The following C8orf34 variants were observed in gnomAD, a reference collection of about 807,000 sequenced individuals.
C8orf34 encodes the protein uncharacterized protein C8orf34.
Under a neutral mutation model 68.3 loss-of-function variants are expected in C8orf34, and 65 were observed. That is an observed-to-expected ratio of 0.95 (90% CI 0.78 to 1.17). The LOEUF (loss-of-function observed/expected upper bound fraction) is 1.17. Ranked by LOEUF, C8orf34 falls within the 50% of genes most tolerant of loss-of-function variation. The pLI is 0.00. For missense variants in C8orf34, 664 were observed against 655.4 expected (o/e 1.01, Z -0.14); for synonymous variants, 244 against 241.2 (o/e 1.01, Z -0.11).
At chr8:68,754,654 G>A (rs7838605) in intron 10 of C8orf34, among the ~76,000 whole-genome samples, 11,068 of 152,208 alleles carry the variant, frequency 0.073, 486 homozygotes, top group Middle Eastern at 0.11. Flanking sequence ...AATGACTTCT[G>A]GGATTTTTAA....
upstream of C8orf34, chr8:68,330,765 A>G (rs1215605737): frequency 1.3e-5 from 5 of 381,850 alleles, no homozygotes; most frequent in Non-Finnish European, 2.3e-5. Flanking sequence ...TCACCGGGGA[A>G]AGGAGGTACA....
chr8:68,465,815 G>A (rs1265593326), intron 3 of C8orf34, among the ~76,000 whole-genome samples: 4 of 151,872 alleles, frequency 2.6e-5, no homozygotes, highest in East Asian at 1.9e-4. Flanking sequence ...GTGGGGGCAG[G>A]GGGGAGGGAT....
chr8:68,509,498 T>C (rs1320058635), intron 5 of C8orf34, among the ~76,000 whole-genome samples: 1 of 151,758 alleles, frequency 6.6e-6, no homozygotes, highest in East Asian at 2.0e-4. Context: ...GCCAACCAAT[T>C]TAAGACTTGG....
chr8:68,688,414 A>G (rs78071299), intron 8 of C8orf34, among the ~76,000 whole-genome samples: 16,406 of 152,124 alleles, frequency 0.11, 1,628 homozygotes, highest in African/African-American at 0.27. Context: ...ACAGTATGGC[A>G]ATTCCTCAAG....
intron 7 of C8orf34, among the ~76,000 whole-genome samples, chr8:68,586,158 C>T (rs1817204628): frequency 6.6e-6 from 1 of 152,060 alleles, no homozygotes; most frequent in Admixed American, 6.6e-5. Flanking sequence ...GATTACACAC[C>T]TTTCTACATT....
At chr8:68,568,057 G>A (rs2130237641) in intron 7 of C8orf34, among the ~76,000 whole-genome samples, 1 of 152,112 alleles carries the variant, frequency 6.6e-6, no homozygotes, top group Non-Finnish European at 1.5e-5. Flanking sequence ...TAGGGGGATG[G>A]CTAGTTTGGG....
At chr8:68,702,514 T>C (rs1821048520) in intron 8 of C8orf34, among the ~76,000 whole-genome samples, 1 of 152,190 alleles carries the variant, frequency 6.6e-6, no homozygotes, top group Non-Finnish European at 1.5e-5. Flanking sequence ...TTGACAAATG[T>C]CTACTCTTTA....
At chr8:68,747,049 C>T (rs1822523677) in intron 10 of C8orf34, among the ~76,000 whole-genome samples, 1 of 150,310 alleles carries the variant, frequency 6.7e-6, no homozygotes, top group Admixed American at 6.6e-5. Context: ...ATCAAGTGGG[C>T]TTCATCCCTG....
intron 1 of C8orf34, among the ~76,000 whole-genome samples, chr8:68,359,934 C>T (rs75110427): frequency 0.028 from 4,198 of 152,268 alleles, 77 homozygotes; most frequent in Middle Eastern, 0.058. Context: ...CAGCTGCCTT[C>T]ACAGCATGCC....
intron 2 of C8orf34, among the ~76,000 whole-genome samples, chr8:68,442,301 C>G (rs1303446938): frequency 6.6e-6 from 1 of 151,994 alleles, no homozygotes; most frequent in East Asian, 1.9e-4. Flanking sequence ...TCACGCAGTT[C>G]TGGGGCCTAA....
chr8:68,659,082 C>A (rs1050008077), intron 8 of C8orf34, among the ~76,000 whole-genome samples: 2 of 152,086 alleles, frequency 1.3e-5, no homozygotes, highest in African/African-American at 4.8e-5. Flanking sequence ...CCCCTTCTGT[C>A]TCCTGGCTTT....
At chr8:68,775,976 G>A (rs113663318) in intron 10 of C8orf34, among the ~76,000 whole-genome samples, 5,056 of 152,162 alleles carry the variant, frequency 0.033, 262 homozygotes, top group African/African-American at 0.11. Flanking sequence ...GACACAGGGA[G>A]GGGAATAACA....
At chr8:68,761,174 A>G (rs74736602) in intron 10 of C8orf34, among the ~76,000 whole-genome samples, 3,631 of 152,314 alleles carry the variant, frequency 0.024, 149 homozygotes, top group African/African-American at 0.082. Flanking sequence ...ATTATGAGAA[A>G]CAAGGGACAA....
At chr8:68,806,460 A>T (rs1339531126) in intron 12 of C8orf34, among the ~76,000 whole-genome samples, 1 of 152,130 alleles carries the variant, frequency 6.6e-6, no homozygotes, top group East Asian at 1.9e-4. Context: ...CACGTCAAAG[A>T]TATCATTTTT....
intron 7 of C8orf34, among the ~76,000 whole-genome samples, chr8:68,544,454 T>A (rs529961692): frequency 6.6e-6 from 1 of 152,274 alleles, no homozygotes; most frequent in South Asian, 2.1e-4. Context: ...GTGAAGTTGA[T>A]CTGTCCATAA....
intron 7 of C8orf34, among the ~76,000 whole-genome samples, chr8:68,637,319 A>G (rs1286054522): frequency 6.6e-6 from 1 of 152,140 alleles, no homozygotes; most frequent in Non-Finnish European, 1.5e-5. Flanking sequence ...ACAATGAATC[A>G]GTAACTCCTC....
intron 1 of C8orf34, among the ~76,000 whole-genome samples, chr8:68,386,037 C>A (rs1316321223): frequency 6.6e-6 from 1 of 152,168 alleles, no homozygotes; most frequent in East Asian, 1.9e-4. Flanking sequence ...TAGCTGGGAC[C>A]ACAGGCATGG....
At chr8:68,553,340 G>T (rs908467254) in intron 7 of C8orf34, among the ~76,000 whole-genome samples, 1 of 141,262 alleles carries the variant, frequency 7.1e-6, no homozygotes, top group Non-Finnish European at 1.5e-5. Context: ...AGCTGAGATG[G>T]AGCCACTGCA....
Position 68,700,379 on chromosome 8 carries a change from G to A in C8orf34, c.1242-8615G>A, listed in dbSNP as rs558463977. Among the ~76,000 whole-genome samples the A allele has an allele frequency of 3.3e-5, 5 of 152,146 alleles. No homozygotes were observed. In the South Asian group the frequency reaches 6.2e-4, roughly 19 times the overall value. On this transcript the variant is annotated intron_variant, in intron 8 of 13. Transcript: ENST00000518698. ...AGTTGGAATGATCAAGGATGAAAGC[G>A]AAGAGCGAGACGGAGTTAAATGGGT... is the stretch of plus-strand genomic sequence containing the variant.
Sources: gnomAD v4.1 joint callset for allele counts (sites outside exome capture counted in the v4.1 genomes callset) on GRCh38, gnomAD v4.1.1 for gene constraint, MANE v1.5 for transcripts, NCBI Gene and HGNC (gene_info 2026-07-23, HGNC 2026-07-21) for gene names.